The following PIWIL1 variants were observed in gnomAD, a reference collection of about 807,000 sequenced individuals.
PIWIL1 encodes the protein piwi like RNA-mediated gene silencing 1.
A neutral mutation model predicts 114.4 loss-of-function variants in PIWIL1; 73 were observed. That is an observed-to-expected ratio of 0.64 (90% CI 0.53 to 0.78). The LOEUF (loss-of-function observed/expected upper bound fraction) is 0.78. Among genes scored for constraint, PIWIL1 ranks in the 30% least tolerant of loss-of-function variants. The probability of loss-of-function intolerance (pLI) is 0.00; values close to 1 mark genes in which losing one functional copy is unlikely to be tolerated. For synonymous variants in PIWIL1, 375 were observed against 369.0 expected (o/e 1.02, Z -0.19); for missense variants, 723 against 1,063.1 (o/e 0.68, Z 4.45).
chr12:130,414,113 GCCATCC>G, the PIWIL1 span: 1 of 1,613,844 alleles, frequency 6.2e-7, no homozygotes, highest in Admixed American at 1.7e-5. Context: ...CCCGCAGGCA[GCCATCC>G]CGCACCTTGA....
the PIWIL1 span, chr12:130,398,650 G>A: frequency 0.078 from 11,871 of 152,588 alleles, 670 homozygotes; most frequent in South Asian, 0.18. Flanking sequence ...CTGGCCACTC[G>A]AGCCAGTGTT....
chr12:130,345,521 G>A (rs1478247387), intron 3 of PIWIL1: 3 of 426,770 alleles, frequency 7.0e-6, no homozygotes, highest in East Asian at 4.1e-5. Flanking sequence ...TTGAAAGGGT[G>A]CATCTGCAAT....
the PIWIL1 span, among the ~76,000 whole-genome samples, chr12:130,386,353 C>G: frequency 6.6e-6 from 1 of 152,058 alleles, no homozygotes; most frequent in Non-Finnish European, 1.5e-5. Context: ...TTGAGCCCAT[C>G]TCCCAATCCT....
the PIWIL1 span, chr12:130,399,751 G>T: frequency 6.2e-7 from 1 of 1,614,120 alleles, no homozygotes; most frequent in South Asian, 1.1e-5. Flanking sequence ...AGACTTCTAC[G>T]TCATCAGGCA....
At chr12:130,348,631 G>A (rs1160154696) in intron 7 of PIWIL1, among the ~76,000 whole-genome samples, 2 of 152,148 alleles carry the variant, frequency 1.3e-5, no homozygotes, top group Non-Finnish European at 2.9e-5. Context: ...GGCCGGGCGT[G>A]GTGGCTCATG....
At position 130,346,416 on chromosome 12, in the gene PIWIL1, G is replaced by T; in HGVS notation, c.363G>T (p.Leu121=). The change falls in exon 5 of 21, where the codon CTG becomes CTT. Residue 121 remains leucine, a synonymous_variant. Transcript: ENST00000245255. ...GGTTAAGCACTAACCATTTCCGGCT[G>T]ACATCCCGTCCCCAGTGGGCCTTAT... ...IVRLSTNHFR[L]TSRPQWALYQ... is the part of the protein sequence containing the mutation. 6.2e-7 allele frequency: 1 copy of T among 1,614,150 alleles called. No homozygotes were observed. Among genetic ancestry groups the T allele is most frequent in the Non-Finnish European group, 8.5e-7 (1 of 1,180,004 alleles).
intron 14 of PIWIL1, among the ~76,000 whole-genome samples, chr12:130,358,587 T>C (rs2073427598): frequency 6.6e-6 from 1 of 152,136 alleles, no homozygotes; most frequent in African/African-American, 2.4e-5. Flanking sequence ...CTGTTGCTGC[T>C]GCCGCCACCA....
intron 14 of PIWIL1, among the ~76,000 whole-genome samples, chr12:130,358,020 A>G (rs529068639): frequency 1.3e-5 from 2 of 152,278 alleles, no homozygotes; most frequent in East Asian, 3.9e-4. Context: ...ATGCATCCAC[A>G]TCACCCCGAG....
At chr12:130,397,618 G>A in the PIWIL1 span, 13 of 397,878 alleles carry the variant, frequency 3.3e-5, no homozygotes, top group East Asian at 3.9e-4. Flanking sequence ...TGGTAACATC[G>A]TACTGTCCCC....
the PIWIL1 span, among the ~76,000 whole-genome samples, chr12:130,385,849 A>C: frequency 1.3e-5 from 2 of 152,164 alleles, no homozygotes; most frequent in African/African-American, 4.8e-5. Flanking sequence ...CCTTCCCTCC[A>C]ATTTTAAATT....
chr12:130,391,765 G>T, the PIWIL1 span, among the ~76,000 whole-genome samples: 2 of 147,750 alleles, frequency 1.4e-5, no homozygotes, highest in Non-Finnish European at 3.0e-5. Flanking sequence ...CCAGAGAGGG[G>T]TGAGGATGCA....
the PIWIL1 span, chr12:130,424,520 C>T: frequency 2.7e-5 from 33 of 1,231,994 alleles, no homozygotes; most frequent in Admixed American, 2.1e-4. The surrounding 1 kb of genome is among the most constrained non-coding windows in gnomAD (Gnocchi z 9.8). Flanking sequence ...GGCCGCTGTC[C>T]GGGCTCCGGG....
In PIWIL1 at chr12:130,343,214, C is replaced by G. The variant is rs552762616; in HGVS notation, c.190+113C>G. 3.6e-5 allele frequency: 23 copies of G among 640,006 alleles called. No individual in the cohort carries two copies. In the South Asian group the frequency reaches 5.2e-4, roughly 14 times the overall value. The allele number at this position is 640,006 out of a possible 1,614,324, so 39.6% of individuals were successfully genotyped here. ...TGCTGAAACTGTTTAAGAAACATTT[C>G]CTTATAATGTTGCCACAACACACAA... is the stretch of plus-strand genomic sequence containing the variant. On this transcript the variant is annotated intron_variant, in intron 3 of 20. Transcript: ENST00000245255.
intron 19 of PIWIL1, 126 bp from the exon 20 acceptor site, chr12:130,371,050 C>A: frequency 1.3e-6 from 1 of 771,420 alleles, no homozygotes; most frequent in East Asian, 2.4e-5. Flanking sequence ...CACGTTACAG[C>A]GTGAGAAGAG....
chr12:130,365,462 T>C (rs557034526), intron 18 of PIWIL1, among the ~76,000 whole-genome samples: 18 of 152,344 alleles, frequency 1.2e-4, no homozygotes, highest in Admixed American at 3.3e-4. Flanking sequence ...AGGTAAAATA[T>C]CTGAAAATTA....
chr12:130,418,395 A>G, the PIWIL1 span, among the ~76,000 whole-genome samples: 40 of 152,316 alleles, frequency 2.6e-4, no homozygotes, highest in African/African-American at 7.7e-4. Flanking sequence ...CATGGCCTCT[A>G]CAACAGGCAC....
chr12:130,393,720 C>A, the PIWIL1 span, among the ~76,000 whole-genome samples: 1 of 152,160 alleles, frequency 6.6e-6, no homozygotes, highest in Admixed American at 6.5e-5. Context: ...GTTCTTAAAT[C>A]CTTGCCTAGA....
the PIWIL1 span, among the ~76,000 whole-genome samples, chr12:130,404,547 G>T: frequency 2.6e-5 from 4 of 152,134 alleles, no homozygotes; most frequent in Admixed American, 6.5e-5. Flanking sequence ...TGATCAGCAC[G>T]CCTCAGCCTC....
the PIWIL1 span, among the ~76,000 whole-genome samples, chr12:130,403,281 A>T: frequency 8.5e-5 from 13 of 152,374 alleles, no homozygotes; most frequent in Non-Finnish European, 1.5e-4. Context: ...GCAAAATCAT[A>T]GTAAAACCAT....
Sources: allele counts gnomAD v4.1 joint callset (sites outside exome capture counted in the v4.1 genomes callset), GRCh38; gene constraint gnomAD v4.1.1; non-coding constraint Gnocchi (gnomAD v3.1); transcripts MANE v1.5; gene names NCBI Gene and HGNC (gene_info 2026-07-23, HGNC 2026-07-21).